The following PCDH15 variants were observed in gnomAD, a reference collection of about 807,000 sequenced individuals.
PCDH15 encodes the protein protocadherin-15.
A neutral mutation model predicts 178.5 loss-of-function variants in PCDH15; 129 were observed. The observed-to-expected ratio is 0.72, with a 90% CI of 0.63 to 0.84. The LOEUF is 0.84. PCDH15 is among the 40% of genes least tolerant of loss of function. PCDH15 has a pLI of 0.00. For missense variants in PCDH15, 2,230 were observed against 2,099.9 expected (o/e 1.06, Z -1.21); for synonymous variants, 800 against 732.0 (o/e 1.09, Z -1.50).
intron 2 of PCDH15, among the ~76,000 whole-genome samples, chr10:54,902,601 T>C (rs1221433521): frequency 6.6e-6 from 1 of 152,162 alleles, no homozygotes; most frequent in African/African-American, 2.4e-5. Context: ...CCTCTTCTCT[T>C]TATAAATTAC....
intron 3 of PCDH15, among the ~76,000 whole-genome samples, chr10:54,525,849 A>G (rs928656433): frequency 6.6e-6 from 1 of 152,234 alleles, no homozygotes; most frequent in Non-Finnish European, 1.5e-5. Flanking sequence ...TTTTAAGACA[A>G]AAATGATTAA....
chr10:54,949,584 T>C (rs533505945), intron 2 of PCDH15, among the ~76,000 whole-genome samples: 2 of 152,128 alleles, frequency 1.3e-5, no homozygotes, highest in Admixed American at 1.3e-4. Context: ...TTCTTTTATA[T>C]CGCATAGTCA....
intron 2 of PCDH15, among the ~76,000 whole-genome samples, chr10:55,495,065 C>T (rs1186786800): frequency 1.3e-5 from 2 of 151,702 alleles, no homozygotes; most frequent in Non-Finnish European, 3.0e-5. Context: ...AATAAAATGA[C>T]ATTGGACCCC....
intron 18 of PCDH15, among the ~76,000 whole-genome samples, chr10:54,026,877 C>T (rs2093115767): frequency 6.6e-6 from 1 of 151,868 alleles, no homozygotes; most frequent in South Asian, 2.1e-4. Context: ...TGAAAACTGG[C>T]ACAAGACAGG....
At chr10:54,979,091 C>T (rs937169343) in intron 2 of PCDH15, among the ~76,000 whole-genome samples, 11 of 151,958 alleles carry the variant, frequency 7.2e-5, no homozygotes, top group Non-Finnish European at 1.0e-4. Flanking sequence ...TAAATAATTG[C>T]CCAAGGTCAC....
chr10:54,612,463 T>A (rs2092994614), intron 2 of PCDH15, among the ~76,000 whole-genome samples: 1 of 151,804 alleles, frequency 6.6e-6, no homozygotes, highest in African/African-American at 2.4e-5. Context: ...AATAAAATGA[T>A]TAATTTTTAA....
chr10:53,994,973 C>T (rs573735794), intron 21 of PCDH15: 2 of 152,038 alleles, frequency 1.3e-5, no homozygotes, highest in South Asian at 4.1e-4. Context: ...TTATCAGCCA[C>T]CAACTTACAG....
intron 1 of PCDH15, among the ~76,000 whole-genome samples, chr10:54,741,280 T>C (rs1257298349): frequency 6.6e-6 from 1 of 151,320 alleles, no homozygotes; most frequent in Non-Finnish European, 1.5e-5. Context: ...AACTAATACA[T>C]ATAAAAATAA....
intron 1 of PCDH15, among the ~76,000 whole-genome samples, chr10:54,753,897 T>TC (rs1302142213): frequency 2.6e-4 from 10 of 37,900 alleles, no homozygotes; most frequent in South Asian, 1.2e-3. Context: ...TGTTTGTGTT[T>TC]TTTTTTTTTT....
At chr10:54,313,874 T>C (rs1318287601) in intron 8 of PCDH15, among the ~76,000 whole-genome samples, 3 of 152,072 alleles carry the variant, frequency 2.0e-5, no homozygotes. Flanking sequence ...TCAATGATTC[T>C]TTGTAAAATT....
chr10:55,431,446 T>C (rs549507396), intron 2 of PCDH15, among the ~76,000 whole-genome samples: 2 of 152,278 alleles, frequency 1.3e-5, no homozygotes, highest in South Asian at 4.1e-4. Flanking sequence ...AAAAATTACA[T>C]CTGTGAGCTC....
At chr10:55,288,275 T>C (rs1842923460) in intron 1 of PCDH15, among the ~76,000 whole-genome samples, 1 of 150,914 alleles carries the variant, frequency 6.6e-6, no homozygotes, top group Non-Finnish European at 1.5e-5. Flanking sequence ...AATAGACATG[T>C]TCATATTCAA....
intron 15 of PCDH15, among the ~76,000 whole-genome samples, chr10:54,108,946 T>A (rs1449826217): frequency 2.0e-5 from 3 of 152,040 alleles, no homozygotes; most frequent in Non-Finnish European, 4.4e-5. Context: ...ACCCATCAAC[T>A]GACGCAACAA....
At chr10:55,396,280 T>C (rs1442710331) in intron 2 of PCDH15, among the ~76,000 whole-genome samples, 1 of 152,158 alleles carries the variant, frequency 6.6e-6, no homozygotes, top group Non-Finnish European at 1.5e-5. Flanking sequence ...AGAGAAAAGA[T>C]TGCACCATAT....
At chr10:53,961,970 T>G in intron 21 of PCDH15, 78 bp from the exon 22 acceptor site, 1 of 1,173,336 alleles carries the variant, frequency 8.5e-7, no homozygotes, top group Non-Finnish European at 1.2e-6. Flanking sequence ...AATGGATCTT[T>G]AAAATTCATG....
At chr10:55,525,220 G>A (rs1841277451) in intron 2 of PCDH15, among the ~76,000 whole-genome samples, 1 of 151,684 alleles carries the variant, frequency 6.6e-6, no homozygotes, top group South Asian at 2.1e-4. Context: ...GTGAATTTTT[G>A]TTACAAAAAT....
At chr10:55,501,912 C>T (rs890902353) in intron 2 of PCDH15, among the ~76,000 whole-genome samples, 1 of 151,630 alleles carries the variant, frequency 6.6e-6, no homozygotes, top group Non-Finnish European at 1.5e-5. Context: ...AATGAAAAAA[C>T]AATCTTTTAA....
intron 1 of PCDH15, among the ~76,000 whole-genome samples, chr10:54,786,486 C>T (rs1183360351): frequency 6.6e-6 from 1 of 151,980 alleles, no homozygotes; most frequent in Non-Finnish European, 1.5e-5. Flanking sequence ...CATGATAATG[C>T]TCTGTTTATA....
chr10:55,395,574 G>A (rs1375844963), intron 2 of PCDH15, among the ~76,000 whole-genome samples: 1 of 151,938 alleles, frequency 6.6e-6, no homozygotes. Flanking sequence ...ATGGGTATTT[G>A]TAATTTTTTA....
Sources: allele counts gnomAD v4.1 joint callset (sites outside exome capture counted in the v4.1 genomes callset), GRCh38; gene constraint gnomAD v4.1.1; transcripts MANE v1.5; gene names NCBI Gene and HGNC (gene_info 2026-07-23, HGNC 2026-07-21).